SLC25A15: variants seen among roughly 807,000 people sequenced by gnomAD.
The protein encoded by SLC25A15 is solute carrier family 25 member 15.
In SLC25A15, 24 loss-of-function variants were observed where a neutral mutation model predicts 32.3. That is an observed-to-expected ratio of 0.74 (90% CI 0.54 to 1.04). The LOEUF is 1.04. SLC25A15 is among the 50% of genes least tolerant of loss of function. The pLI is 0.00. For missense variants in SLC25A15, 317 were observed against 374.5 expected, an observed-to-expected ratio of 0.85 and a Z score of 1.27; for synonymous variants, 132 against 142.1, an observed-to-expected ratio of 0.93 and a Z score of 0.51.
rs1257062958 is a variant in SLC25A15, at chr13:40,811,513, A to G, written c.*1846A>G. Among the ~76,000 whole-genome samples, 2 of 152,022 alleles carry G rather than the reference A, an allele frequency of 1.3e-5. No homozygotes were observed. Among genetic ancestry groups the G allele is most frequent in the Non-Finnish European group, 2.9e-5 (2 of 67,986 alleles). On this transcript the variant is annotated 3_prime_UTR_variant, in exon 7 of 7. Transcript: ENST00000338625. ...CAAAAAAAAAAAGAAAAGAAAAGCA[A>G]TTGTACTTCACTATGCCATATGTAT...
At chr13:40,804,702 C>T (rs559307211) in intron 3 of SLC25A15, among the ~76,000 whole-genome samples, 4 of 146,790 alleles carry the variant, frequency 2.7e-5, no homozygotes, top group African/African-American at 5.4e-5. Context: ...CCACTACGCC[C>T]GGCTAATTTT....
In SLC25A15 at chr13:40,811,601, A is replaced by G. The variant is rs1882456188; in HGVS notation, c.*1934A>G. Among the ~76,000 whole-genome samples, 1 of 152,156 alleles carries G rather than the reference A, an allele frequency of 6.6e-6. No individual in the cohort carries two copies. The highest frequency in any genetic ancestry group is 2.4e-5 in the African/African-American group (1 of 41,438). On this transcript the variant is annotated 3_prime_UTR_variant, in exon 7 of 7. Coordinates refer to ENST00000338625, the MANE Select transcript of SLC25A15 (RefSeq NM_014252.4). ...AACTCCACACTTCATCTGATCCCCC[A>G]TAGACTTGGGGATGGACAGCTGTTC...
At position 40,789,660 on chromosome 13, in the gene SLC25A15, G is replaced by A. The variant is rs1325543638; in HGVS notation, c.-73G>A. The A allele has an allele frequency of 6.6e-6, 1 of 151,178 alleles. No homozygotes were observed. Among genetic ancestry groups the A allele is most frequent in the African/African-American group, 2.4e-5 (1 of 41,336 alleles). The allele number at this position is 151,178 out of a possible 1,614,324, so 9.4% of individuals were successfully genotyped here. ...GAGCTGGACGCGGCCACGCCGGCGC[G>A]GCGGTGAGCGCAGCCCGGTCTGGCG... On this transcript the variant is annotated 5_prime_UTR_variant, in exon 1 of 7. Transcript: ENST00000338625.
intron 3 of SLC25A15, among the ~76,000 whole-genome samples, chr13:40,799,852 C>T (rs994747917): frequency 9.2e-5 from 14 of 152,364 alleles, no homozygotes; most frequent in African/African-American, 3.1e-4. Flanking sequence ...AAGAGGTTGT[C>T]TGAGCCAGAT....
chr13:40,797,898 C>T (rs1384380643), intron 2 of SLC25A15, among the ~76,000 whole-genome samples: 1 of 152,178 alleles, frequency 6.6e-6, no homozygotes, highest in African/African-American at 2.4e-5. Context: ...TAACCACTGG[C>T]AGTTCCCACG....
intron 2 of SLC25A15, among the ~76,000 whole-genome samples, chr13:40,798,031 G>C (rs969649399): frequency 2.6e-5 from 4 of 152,126 alleles, no homozygotes; most frequent in African/African-American, 9.7e-5. Flanking sequence ...ATGCCTCCCA[G>C]CATTTTGGGA....
intron 3 of SLC25A15, among the ~76,000 whole-genome samples, chr13:40,803,909 G>A (rs1940300093): frequency 6.6e-6 from 1 of 152,206 alleles, no homozygotes; most frequent in African/African-American, 2.4e-5. Context: ...CAGACACACT[G>A]AAGTATTAAT....
At chr13:40,809,463 A>C in intron 6 of SLC25A15, 80 bp from the exon 7 acceptor site, 2 of 1,572,048 alleles carry the variant, frequency 1.3e-6, no homozygotes, top group Non-Finnish European at 1.7e-6. Context: ...GCATGTGTAA[A>C]TATACCTATG....
chr13:40,799,013 G>A (rs367928183), intron 2 of SLC25A15, 44 bp from the exon 3 acceptor site: 220 of 1,614,046 alleles, frequency 1.4e-4, no homozygotes, highest in Admixed American at 4.5e-4. Context: ...ATGGATAATG[G>A]AACTGTAGCC....
At position 40,796,189 on chromosome 13, in the gene SLC25A15, G is replaced by A. The variant is rs571253348; in HGVS notation, c.56-2868G>A. Among the ~76,000 whole-genome samples the A allele has an allele frequency of 1.2e-4, 19 of 152,316 alleles. No homozygotes were observed. The South Asian group carries it at 3.5e-3, about 28-fold the overall frequency. On this transcript the variant is annotated intron_variant, in intron 2 of 6. Coordinates refer to ENST00000338625, the MANE Select transcript of SLC25A15 (RefSeq NM_014252.4). ...TGCAGCCCGAGGTGATGTGGATGGA[G>A]CTTAAATGTGGTGTTGTGTGTGTCT... is the stretch of plus-strand genomic sequence containing the variant.
intron 3 of SLC25A15, 103 bp from the exon 4 acceptor site, chr13:40,805,015 C>A: frequency 7.1e-7 from 1 of 1,410,772 alleles, no homozygotes; most frequent in Non-Finnish European, 1.0e-6. Context: ...CATGCCCTCA[C>A]GCCCGGCTCC....
At chr13:40,798,108 C>T (rs1394115826) in intron 2 of SLC25A15, among the ~76,000 whole-genome samples, 1 of 152,038 alleles carries the variant, frequency 6.6e-6, no homozygotes, top group East Asian at 1.9e-4. Context: ...GGTGAAACCC[C>T]ATCTCTATGA....
chr13:40,809,279 C>G (rs1566125163), intron 6 of SLC25A15, among the ~76,000 whole-genome samples: 1 of 152,212 alleles, frequency 6.6e-6, no homozygotes, highest in South Asian at 2.1e-4. Flanking sequence ...CTCAGCTCTG[C>G]CCCATCCATA....
At chr13:40,800,985 C>A (rs1168019866) in intron 3 of SLC25A15, among the ~76,000 whole-genome samples, 1 of 152,168 alleles carries the variant, frequency 6.6e-6, no homozygotes, top group African/African-American at 2.4e-5. Context: ...GTAGTCCCAG[C>A]ACTTTGAGAG....
rs1369895182 is a variant in SLC25A15, at chr13:40,793,141, C to T, written c.-69-17C>T. 1 of 1,383,596 alleles carries T rather than the reference C, an allele frequency of 7.2e-7. No individual in the cohort carries two copies. Among genetic ancestry groups the T allele is most frequent in the Non-Finnish European group, 1.0e-6 (1 of 976,108 alleles). The allele number at this position is 1,383,596 out of a possible 1,614,324, so 85.7% of individuals were successfully genotyped here. A position where few individuals can be genotyped will look rare whatever the true frequency, so the allele number is the denominator to read the frequency against. On this transcript the variant is annotated splice_polypyrimidine_tract_variant and intron_variant, in intron 1 of 6. Transcript: ENST00000338625. ...GCTGCAGACTTGGACTAATGGTGAACTCTTGCCTCCCCCCAGGGATATGTG... is the reference window on the plus strand; with the variant it reads ...GCTGCAGACTTGGACTAATGGTGAATTCTTGCCTCCCCCCAGGGATATGTG...
intron 3 of SLC25A15, among the ~76,000 whole-genome samples, chr13:40,799,517 T>C (rs1400754012): frequency 6.6e-6 from 1 of 152,178 alleles, no homozygotes; most frequent in Non-Finnish European, 1.5e-5. Flanking sequence ...AAAAATCTAC[T>C]GTTGTATGGT....
chr13:40,796,384 T>G (rs1881671107), intron 2 of SLC25A15, among the ~76,000 whole-genome samples: 1 of 152,168 alleles, frequency 6.6e-6, no homozygotes, highest in Non-Finnish European at 1.5e-5. Context: ...GATTAGGTAA[T>G]TATTGAAATG....
intron 5 of SLC25A15, among the ~76,000 whole-genome samples, chr13:40,808,154 G>A (rs1390436893): frequency 2.6e-5 from 4 of 152,196 alleles, no homozygotes; most frequent in Admixed American, 6.5e-5. Context: ...CTGCTGGTTC[G>A]TGTGGGCCAG....
At chr13:40,793,777 A>G (rs1479534444) in intron 2 of SLC25A15, among the ~76,000 whole-genome samples, 3 of 152,254 alleles carry the variant, frequency 2.0e-5, no homozygotes, top group African/African-American at 7.2e-5. Context: ...TTCAGAGAGT[A>G]GCAGAAGCTA....
Sources: gnomAD v4.1 joint callset for allele counts (sites outside exome capture counted in the v4.1 genomes callset) on GRCh38, gnomAD v4.1.1 for gene constraint, MANE v1.5 for transcripts, NCBI Gene and HGNC (gene_info 2026-07-23, HGNC 2026-07-21) for gene names.